CCSER1: variants seen among roughly 807,000 people sequenced by gnomAD.
CCSER1 encodes the protein serine-rich coiled-coil domain-containing protein 1.
Under a neutral mutation model 82.0 loss-of-function variants are expected in CCSER1, and 41 were observed. The ratio of observed to expected loss-of-function variants is 0.50; its 90% CI spans 0.39 to 0.65. The LOEUF is 0.65. Ranked by LOEUF, CCSER1 falls within the 30% of genes least tolerant of loss-of-function variation. CCSER1 has a pLI of 0.00. For missense variants in CCSER1, 1,119 were observed against 1,064.2 expected (o/e 1.05, Z -0.72); for synonymous variants, 414 against 383.9 (o/e 1.08, Z -0.92).
chr4:91,373,169 A>G (rs929890319), intron 10 of CCSER1, among the ~76,000 whole-genome samples: 1 of 151,754 alleles, frequency 6.6e-6, no homozygotes. Context: ...ATAGGAAACT[A>G]TATATTATAG....
In CCSER1 at chr4:91,503,208, G is replaced by A. The variant is rs537850349; in HGVS notation, c.2218-95364G>A. Among the ~76,000 whole-genome samples, 74 of 151,994 alleles carry A rather than the reference G, an allele frequency of 4.9e-4. 1 individual carries two copies. In the South Asian group the frequency reaches 0.015, roughly 32 times the overall value. On this transcript the variant is annotated intron_variant, in intron 10 of 10. Transcript: ENST00000509176. ...ATAGAAAAAATAAGCTGGGCGTGGT[G>A]GCGGGCGCCTGTGGTCCCAGCTACT...
intron 5 of CCSER1, among the ~76,000 whole-genome samples, chr4:90,512,478 TA>T (rs1285858668): frequency 6.6e-6 from 1 of 152,146 alleles, no homozygotes; most frequent in African/African-American, 2.4e-5. Context: ...TTGGCATTCT[TA>T]GTAGTTCAAC....
intron 3 of CCSER1, among the ~76,000 whole-genome samples, chr4:90,357,927 GA>G (rs1311497249): frequency 5.9e-5 from 9 of 151,904 alleles, no homozygotes. Flanking sequence ...TAGTCAGAAA[GA>G]AAAAATAGTT....
chr4:91,166,420 C>A (rs1430346695), intron 10 of CCSER1, among the ~76,000 whole-genome samples: 1 of 151,952 alleles, frequency 6.6e-6, no homozygotes, highest in African/African-American at 2.4e-5. Context: ...TCATTTTAAC[C>A]AATGTTAGTT....
chr4:90,959,568 C>G (rs1018234036), intron 9 of CCSER1, among the ~76,000 whole-genome samples: 1 of 151,944 alleles, frequency 6.6e-6, no homozygotes, highest in African/African-American at 2.4e-5. Context: ...AGTCTTATAC[C>G]ATTTAATCCT....
chr4:90,705,589 G>T (rs1258389720), intron 6 of CCSER1, among the ~76,000 whole-genome samples: 1 of 152,214 alleles, frequency 6.6e-6, no homozygotes, highest in Non-Finnish European at 1.5e-5. Flanking sequence ...TACAGAGGCA[G>T]GCAGGCTTCC....
intron 10 of CCSER1, among the ~76,000 whole-genome samples, chr4:91,451,478 T>C (rs1755865805): frequency 6.6e-6 from 1 of 151,926 alleles, no homozygotes; most frequent in Admixed American, 6.6e-5. Context: ...CCAGACACAC[T>C]TCAATAAAAA....
chr4:90,686,050 G>T (rs1560939902), intron 6 of CCSER1, among the ~76,000 whole-genome samples: 1 of 152,074 alleles, frequency 6.6e-6, no homozygotes, highest in South Asian at 2.1e-4. Flanking sequence ...CTTACTCTTG[G>T]TGAGGCTTAC....
intron 5 of CCSER1, among the ~76,000 whole-genome samples, chr4:90,616,735 ACAC>A (rs1444551336): frequency 0.012 from 878 of 72,924 alleles, 12 homozygotes; most frequent in African/African-American, 0.059. Flanking sequence ...ACACACACAC[ACAC>A]AAATAAAATA....
chr4:90,653,934 T>C (rs1729234387), intron 6 of CCSER1, among the ~76,000 whole-genome samples: 1 of 152,088 alleles, frequency 6.6e-6, no homozygotes, highest in African/African-American at 2.4e-5. Flanking sequence ...AAACTTACAA[T>C]CATGGTAGAA....
chr4:90,445,354 T>A (rs1265788908), intron 4 of CCSER1, among the ~76,000 whole-genome samples: 1 of 152,094 alleles, frequency 6.6e-6, no homozygotes, highest in Non-Finnish European at 1.5e-5. Flanking sequence ...ATCAATAGCT[T>A]TTTGGAAATG....
chr4:91,163,303 T>C (rs1018190540), intron 10 of CCSER1, among the ~76,000 whole-genome samples: 1 of 152,232 alleles, frequency 6.6e-6, no homozygotes, highest in Non-Finnish European at 1.5e-5. Context: ...AGACAGTTTG[T>C]TGTGATGTCT....
chr4:90,352,249 G>A (rs965018714), intron 3 of CCSER1, among the ~76,000 whole-genome samples: 11 of 151,790 alleles, frequency 7.2e-5, no homozygotes, highest in South Asian at 2.1e-4. Context: ...GCGGGAACCC[G>A]GGAGGCCGAG....
At chr4:91,124,931 A>G (rs562660462) in intron 10 of CCSER1, among the ~76,000 whole-genome samples, 48 of 151,730 alleles carry the variant, frequency 3.2e-4, no homozygotes, top group African/African-American at 1.1e-3. Context: ...CTCTTAAACA[A>G]GAGAGCAGCT....
Position 90,391,497 on chromosome 4 carries a change from G to C in CCSER1, c.1510-8539G>C, listed in dbSNP as rs1255601922. 6.7e-4 allele frequency among the ~76,000 whole-genome samples: 44 copies of C among 65,908 alleles called. 1 individual carries two copies. The highest frequency in any genetic ancestry group is 4.4e-3 in the African/African-American group (38 of 8,666). The allele number at this position is 65,908 out of a possible 152,430, so 43.2% of individuals were successfully genotyped here. On this transcript the variant is annotated intron_variant, in intron 3 of 10. Transcript: ENST00000509176. Reference sequence around the variant, plus strand: ...ATATATATATATATACACACACACAGTGGGTAAATATATATATATATATAT... The same window carrying C: ...ATATATATATATATACACACACACACTGGGTAAATATATATATATATATAT...
Position 90,309,130 on chromosome 4 carries a change from C to T in CCSER1, c.846C>T (p.Ser282=). The change falls in exon 2 of 11, where the codon TCC becomes TCT. Residue 282 remains serine, a synonymous_variant. Coordinates refer to ENST00000509176, the MANE Select transcript of CCSER1 (RefSeq NM_001145065.2). ...TTTCTAAAAGTGGAAGCATGGCATC[C>T]CACTGTGACAACTTTGGCCACAATG... ...DAFSKSGSMA[S]HCDNFGHNDS... The T allele has an allele frequency of 6.2e-7, 1 of 1,613,862 alleles. No individual in the cohort carries two copies. Among genetic ancestry groups the T allele is most frequent in the Non-Finnish European group, 8.5e-7 (1 of 1,179,832 alleles).
chr4:91,030,072 T>C (rs991429806), intron 9 of CCSER1, among the ~76,000 whole-genome samples: 15 of 152,120 alleles, frequency 9.9e-5, no homozygotes, highest in Non-Finnish European at 2.1e-4. Flanking sequence ...TATGGTACAA[T>C]CATTATTACT....
chr4:91,191,813 C>G (rs1304194307), intron 10 of CCSER1, among the ~76,000 whole-genome samples: 3 of 152,212 alleles, frequency 2.0e-5, no homozygotes, highest in South Asian at 4.1e-4. Flanking sequence ...TGGCCCTGAA[C>G]TGGTTACCCA....
intron 7 of CCSER1, among the ~76,000 whole-genome samples, chr4:90,770,945 A>T (rs1157294359): frequency 1.3e-5 from 2 of 152,206 alleles, no homozygotes; most frequent in African/African-American, 4.8e-5. Context: ...AAGTTGGAAG[A>T]AAAAACAGTT....
Sources: allele counts gnomAD v4.1 joint callset (sites outside exome capture counted in the v4.1 genomes callset), GRCh38; gene constraint gnomAD v4.1.1; transcripts MANE v1.5; gene names NCBI Gene and HGNC (gene_info 2026-07-23, HGNC 2026-07-21).